SLIT3: variants seen among roughly 807,000 people sequenced by gnomAD.
SLIT3 encodes slit homolog 3 protein.
In SLIT3, 68 loss-of-function variants were observed where a neutral mutation model predicts 184.0. The ratio of observed to expected loss-of-function variants is 0.37; its 90% CI spans 0.30 to 0.45. SLIT3 has a LOEUF of 0.45. Ranked by LOEUF, SLIT3 falls within the 20% of genes least tolerant of loss-of-function variation. The probability of loss-of-function intolerance (pLI) is 1.00; values close to 1 mark genes in which losing one functional copy is unlikely to be tolerated. For missense variants in SLIT3, 1,707 were observed against 2,026.0 expected (o/e 0.84, Z 3.02); for synonymous variants, 831 against 828.6 (o/e 1.00, Z -0.05).
intron 5 of SLIT3, among the ~76,000 whole-genome samples, chr5:168,874,287 T>C (rs1360163874): frequency 3.3e-5 from 5 of 152,226 alleles, no homozygotes; most frequent in Admixed American, 1.3e-4. Flanking sequence ...CTCCTTCTTG[T>C]TGCCTTGACT....
intron 9 of SLIT3, among the ~76,000 whole-genome samples, chr5:168,800,873 C>T (rs1581096733): frequency 6.6e-6 from 1 of 152,318 alleles, no homozygotes; most frequent in Non-Finnish European, 1.5e-5. Flanking sequence ...GAACTTGAGA[C>T]TAAATCGTTC....
chr5:168,685,784 C>T lies in SLIT3; in HGVS notation c.3458G>A (p.Arg1153Lys). Residue 1153 changes from arginine (R) to lysine (K), a missense_variant, in exon 31 of 36, where the codon AGA becomes AAA. Around this residue, in one of 3 missense-constraint regions of SLIT3, gnomAD observed 13 missense variants for 36.4 expected, o/e 0.36. Transcript: ENST00000519560. ...GTTGACAGTGATGAGCTTCTCGCAT[C>T]TGGGGCCGGCGAAGCCTGGTGGGCA... is the stretch of plus-strand genomic sequence containing the variant. ...CRCPPGFAGP[R>K]CEKLITVNFV... The T allele has an allele frequency of 1.2e-6, 2 of 1,613,242 alleles. No homozygotes were observed. The highest frequency in any genetic ancestry group is 2.2e-5 in the South Asian group (2 of 90,924).
intron 4 of SLIT3, among the ~76,000 whole-genome samples, chr5:169,123,824 G>A (rs1760977713): frequency 6.6e-6 from 1 of 152,222 alleles, no homozygotes; most frequent in African/African-American, 2.4e-5. Flanking sequence ...TGGTGACAGT[G>A]TTTTGGGATG....
intron 4 of SLIT3, among the ~76,000 whole-genome samples, chr5:169,031,208 A>C (rs1341210666): frequency 6.6e-6 from 1 of 152,178 alleles, no homozygotes; most frequent in Non-Finnish European, 1.5e-5. Context: ...AGGCAGTGAA[A>C]ACTGCACTTT....
chr5:168,710,540 G>C (rs1412940960), intron 25 of SLIT3, among the ~76,000 whole-genome samples: 1 of 151,996 alleles, frequency 6.6e-6, no homozygotes, highest in African/African-American at 2.4e-5. Flanking sequence ...AAAACAGGAG[G>C]ATCGTTGGAG....
chr5:169,210,530 A>C (rs1381021890), intron 3 of SLIT3, among the ~76,000 whole-genome samples: 1 of 152,216 alleles, frequency 6.6e-6, no homozygotes, highest in Non-Finnish European at 1.5e-5. Context: ...TGTGTTGCTC[A>C]GCAGCTGGTC....
At chr5:168,698,418 T>C (rs2113275087) in intron 27 of SLIT3, among the ~76,000 whole-genome samples, 1 of 152,176 alleles carries the variant, frequency 6.6e-6, no homozygotes, top group South Asian at 2.1e-4. Context: ...CACTGGTGAC[T>C]ATGCAGGCAG....
intron 4 of SLIT3, among the ~76,000 whole-genome samples, chr5:169,185,958 C>G (rs1347816040): frequency 1.3e-5 from 2 of 152,158 alleles, no homozygotes; most frequent in Admixed American, 1.3e-4. Flanking sequence ...CTCTAGGCCT[C>G]TGTTTCTGTA....
intron 34 of SLIT3, among the ~76,000 whole-genome samples, chr5:168,670,679 C>T (rs1270434050): frequency 6.6e-6 from 1 of 152,208 alleles, no homozygotes; most frequent in African/African-American, 2.4e-5. Context: ...TAGCCAACCA[C>T]ATTTCCAGTG....
Position 168,670,011 on chromosome 5 carries a change from T to C in SLIT3, c.4128-20A>G, listed in dbSNP as rs764079398. ...TGGCATCTAGGGGCAGAGAGGAGGA[T>C]GAGAAGGGAACTGGATCAGAGTTGG... On this transcript the variant is annotated intron_variant, in intron 34 of 35. Coordinates refer to ENST00000519560, the MANE Select transcript of SLIT3 (RefSeq NM_003062.4). The C allele has an allele frequency of 6.2e-7, 1 of 1,609,700 alleles. No homozygotes were observed. The highest frequency in any genetic ancestry group is 1.1e-5 in the South Asian group (1 of 90,630).
chr5:169,264,219 A>C (rs900767425), intron 1 of SLIT3, among the ~76,000 whole-genome samples: 3 of 151,944 alleles, frequency 2.0e-5, no homozygotes, highest in Non-Finnish European at 4.4e-5. Flanking sequence ...TTTGAGACAG[A>C]GTCTCGCTCT....
chr5:169,278,806 G>A (rs1766900945), intron 1 of SLIT3, among the ~76,000 whole-genome samples: 1 of 152,154 alleles, frequency 6.6e-6, no homozygotes, highest in African/African-American at 2.4e-5. Flanking sequence ...TTTGGGGAGA[G>A]AGCAGGGCCA....
intron 5 of SLIT3, among the ~76,000 whole-genome samples, chr5:168,847,508 C>T (rs1344336920): frequency 6.6e-6 from 1 of 152,156 alleles, no homozygotes; most frequent in East Asian, 1.9e-4. Context: ...CTCCATGGCA[C>T]CGAGCATCAG....
intron 3 of SLIT3, among the ~76,000 whole-genome samples, chr5:169,237,503 T>G (rs1268055328): frequency 8.5e-5 from 13 of 152,208 alleles, no homozygotes; most frequent in Non-Finnish European, 1.3e-4. Flanking sequence ...CCAAAGTGGT[T>G]GTACCATTTT....
At chr5:169,245,468 A>G (rs1765556952) in intron 2 of SLIT3, among the ~76,000 whole-genome samples, 1 of 129,240 alleles carries the variant, frequency 7.7e-6, no homozygotes, top group Admixed American at 7.8e-5. Context: ...TCCCTAACTT[A>G]AAAAAAAAAT....
intron 3 of SLIT3, among the ~76,000 whole-genome samples, chr5:169,240,363 TA>T (rs1286799538): frequency 8.6e-5 from 13 of 151,868 alleles, no homozygotes; most frequent in African/African-American, 3.1e-4. Flanking sequence ...TAAATTTGTC[TA>T]TTTTTTTTTT....
intron 4 of SLIT3, among the ~76,000 whole-genome samples, chr5:169,014,493 T>C (rs1756287196): frequency 1.3e-5 from 2 of 152,110 alleles, no homozygotes; most frequent in Admixed American, 6.6e-5. Flanking sequence ...TAGGATAGAC[T>C]TAGACAGGTC....
chr5:169,069,701 T>C (rs894239394), intron 4 of SLIT3, among the ~76,000 whole-genome samples: 3 of 151,594 alleles, frequency 2.0e-5, no homozygotes, highest in African/African-American at 4.9e-5. Flanking sequence ...ACCAAGAGGT[T>C]TGGTATGAGG....
intron 20 of SLIT3, among the ~76,000 whole-genome samples, chr5:168,726,031 T>C (rs1011411541): frequency 6.6e-6 from 1 of 152,152 alleles, no homozygotes; most frequent in African/African-American, 2.4e-5. Context: ...CATGGCATAT[T>C]GGACTGATGT....
Sources: allele counts gnomAD v4.1 joint callset (sites outside exome capture counted in the v4.1 genomes callset), GRCh38; gene constraint gnomAD v4.1.1; regional missense constraint gnomAD v4.1.1; transcripts MANE v1.5; gene names NCBI Gene and HGNC (gene_info 2026-07-23, HGNC 2026-07-21).